Variants in MAPK10 observed in about 807,000 individuals in gnomAD.
MAPK10 encodes the protein JNK3 alpha protein kinase.
MAPK10 carries 25 observed loss-of-function variants against 59.3 expected under a neutral mutation model. The ratio of observed to expected loss-of-function variants is 0.42; its 90% CI spans 0.31 to 0.59. The LOEUF (loss-of-function observed/expected upper bound fraction) is 0.59. MAPK10 is among the 20% of genes least tolerant of loss of function. The pLI is 0.15. For missense variants in MAPK10, 351 were observed against 568.9 expected (o/e 0.62, Z 3.90); for synonymous variants, 190 against 200.5 (o/e 0.95, Z 0.44).
chr4:86,352,592 G>A (rs948704522), intron 2 of MAPK10, among the ~76,000 whole-genome samples: 27 of 152,276 alleles, frequency 1.8e-4, no homozygotes, highest in Middle Eastern at 3.4e-3. Flanking sequence ...GTAGCTAGCG[G>A]TTACCTATGG....
At chr4:86,118,189 T>C (rs568376903) in intron 4 of MAPK10, among the ~76,000 whole-genome samples, 1 of 152,232 alleles carries the variant, frequency 6.6e-6, no homozygotes, top group Non-Finnish European at 1.5e-5. Context: ...GTTTAGCAAA[T>C]ACATCTGCAA....
intron 1 of MAPK10, among the ~76,000 whole-genome samples, chr4:86,575,343 A>T (rs950616839): frequency 5.3e-5 from 8 of 152,202 alleles, no homozygotes; most frequent in Non-Finnish European, 7.3e-5. Context: ...TGGATATTTG[A>T]TATCATAATA....
At chr4:86,429,204 C>G (rs1747705899) in intron 1 of MAPK10, among the ~76,000 whole-genome samples, 1 of 152,132 alleles carries the variant, frequency 6.6e-6, no homozygotes, top group Non-Finnish European at 1.5e-5. Flanking sequence ...TTTCCACATG[C>G]TTCCAGGGGA....
At chr4:86,309,712 C>T (rs1033055385) in intron 2 of MAPK10, among the ~76,000 whole-genome samples, 6 of 152,080 alleles carry the variant, frequency 3.9e-5, no homozygotes, top group Admixed American at 1.3e-4. Flanking sequence ...TTTCACAAAA[C>T]GGACATAATA....
intron 4 of MAPK10, among the ~76,000 whole-genome samples, chr4:86,134,836 C>G (rs2061618877): frequency 1.3e-5 from 2 of 152,198 alleles, no homozygotes; most frequent in African/African-American, 2.4e-5. Flanking sequence ...ACGCACCATG[C>G]ACGAGCCGAA....
At chr4:86,161,475 T>G (rs902389292) in intron 3 of MAPK10, among the ~76,000 whole-genome samples, 3 of 152,074 alleles carry the variant, frequency 2.0e-5, no homozygotes, top group Non-Finnish European at 4.4e-5. Context: ...TCTAGACTTT[T>G]TGGCATATGA....
At chr4:86,150,933 C>T (rs1268530962) in intron 4 of MAPK10, among the ~76,000 whole-genome samples, 1 of 152,094 alleles carries the variant, frequency 6.6e-6, no homozygotes, top group African/African-American at 2.4e-5. Flanking sequence ...TTCAGACTAT[C>T]AAGAAGTGTG....
chr4:86,376,791 G>C (rs1380241688), intron 1 of MAPK10, among the ~76,000 whole-genome samples: 1 of 152,198 alleles, frequency 6.6e-6, no homozygotes, highest in Admixed American at 6.5e-5. Flanking sequence ...ATTCTGACAT[G>C]TCTTTTGAAA....
Position 86,307,852 on chromosome 4 carries a change from T to A in MAPK10, c.-7+46678A>T, listed in dbSNP as rs544731660. ...AAAGATTTTAGTAGTAGTCTCAGAG[T>A]CTTGCATCAGATGGATTTAGAGAAA... On this transcript the variant is annotated intron_variant, in intron 2 of 13. Coordinates refer to ENST00000641462, the MANE Select transcript of MAPK10 (RefSeq NM_138982.4). Among the ~76,000 whole-genome samples the A allele has an allele frequency of 2.9e-4, 44 of 152,098 alleles. No individual in the cohort carries two copies. In the South Asian group the frequency reaches 8.7e-3, roughly 30 times the overall value.
chr4:86,591,197 T>C (rs765342938), intron 1 of MAPK10, among the ~76,000 whole-genome samples: 2 of 152,198 alleles, frequency 1.3e-5, no homozygotes, highest in Non-Finnish European at 2.9e-5. Flanking sequence ...GTGCTAGGAT[T>C]ACAGGCGTGA....
chr4:86,485,589 T>C (rs1302770680), intron 1 of MAPK10, among the ~76,000 whole-genome samples: 1 of 152,224 alleles, frequency 6.6e-6, no homozygotes, highest in African/African-American at 2.4e-5. Flanking sequence ...GGAGTCTTAA[T>C]GAGTTTCAAA....
intron 5 of MAPK10, among the ~76,000 whole-genome samples, chr4:86,104,023 C>T (rs1002007513): frequency 1.3e-5 from 2 of 151,924 alleles, no homozygotes; most frequent in African/African-American, 4.8e-5. Flanking sequence ...ATATAAAAAT[C>T]TTATACTCAC....
intron 1 of MAPK10, among the ~76,000 whole-genome samples, chr4:86,553,528 T>C (rs1397658166): frequency 6.6e-6 from 1 of 152,166 alleles, no homozygotes; most frequent in East Asian, 1.9e-4. Flanking sequence ...CCTCCCACCA[T>C]TGCTTTTGCC....
At chr4:86,177,404 A>T (rs1449663303) in intron 3 of MAPK10, among the ~76,000 whole-genome samples, 2 of 152,100 alleles carry the variant, frequency 1.3e-5, no homozygotes, top group African/African-American at 4.8e-5. Flanking sequence ...GTTGGTATAG[A>T]AGTCTTTATT....
intron 1 of MAPK10, among the ~76,000 whole-genome samples, chr4:86,428,632 G>A (rs1328792395): frequency 6.6e-6 from 1 of 152,132 alleles, no homozygotes; most frequent in East Asian, 1.9e-4. Flanking sequence ...TGACAATTAT[G>A]ACTTGTCCCT....
chr4:86,494,733 C>T (rs999783729), intron 1 of MAPK10, among the ~76,000 whole-genome samples: 7 of 151,268 alleles, frequency 4.6e-5, no homozygotes, highest in African/African-American at 1.7e-4. Flanking sequence ...GTCCCAGCTA[C>T]TCAGGAGGCT....
chr4:86,423,760 G>GATATATATAT (rs772650050), intron 1 of MAPK10, among the ~76,000 whole-genome samples: 1,683 of 116,854 alleles, frequency 0.014, 69 homozygotes, highest in East Asian at 0.023. Context: ...TAATTAGTGG[G>GATATATATAT]ATATATATAC....
At chr4:86,235,981 C>T (rs1305621621) in intron 2 of MAPK10, among the ~76,000 whole-genome samples, 2 of 152,134 alleles carry the variant, frequency 1.3e-5, no homozygotes, top group Non-Finnish European at 2.9e-5. Context: ...GATAGTTCCT[C>T]TTGGAAGCTC....
At chr4:86,530,068 CTTTTTT>C (rs199905487) in intron 1 of MAPK10, among the ~76,000 whole-genome samples, 1 of 132,248 alleles carries the variant, frequency 7.6e-6, no homozygotes, top group South Asian at 2.4e-4. Context: ...TTTGTTTTTC[CTTTTTT>C]TTTTTTTTTT....
Sources: allele counts gnomAD v4.1 joint callset (sites outside exome capture counted in the v4.1 genomes callset), GRCh38; gene constraint gnomAD v4.1.1; transcripts MANE v1.5; gene names NCBI Gene and HGNC (gene_info 2026-07-23, HGNC 2026-07-21).